Variants in FARP1 observed in about 807,000 individuals in gnomAD.
FARP1 encodes the protein FERM, ARHGEF and pleckstrin domain-containing protein 1.
A neutral mutation model predicts 128.8 loss-of-function variants in FARP1; 52 were observed. The ratio of observed to expected loss-of-function variants is 0.40; its 90% CI spans 0.32 to 0.51. The LOEUF (loss-of-function observed/expected upper bound fraction) is 0.51. FARP1 is among the 20% of genes least tolerant of loss of function. FARP1 has a pLI of 0.45. For synonymous variants in FARP1, 580 were observed against 551.8 expected (o/e 1.05, Z -0.72); for missense variants, 1,333 against 1,367.9 (o/e 0.97, Z 0.40).
rs3742136 is a variant in FARP1, at chr13:98,450,353, C to A, written c.*2036C>A. 6.6e-6 allele frequency: 1 copy of A among 152,068 alleles called. No individual in the cohort carries two copies. The highest frequency in any genetic ancestry group is 1.5e-5 in the Non-Finnish European group (1 of 68,008). 9.4% of individuals were successfully genotyped at this position (152,068 alleles called of 1,614,324 possible). The stretch of plus-strand genomic sequence containing the variant: ...GGGAAATATAAAAAATGTTTATAAA[C>A]TGACAGTGTTTTGCCAGAGGAAAGG... On this transcript the variant is annotated 3_prime_UTR_variant, in exon 27 of 27. Transcript: ENST00000319562.
At chr13:98,227,910 A>G (rs1039873575) in intron 2 of FARP1, among the ~76,000 whole-genome samples, 2 of 152,260 alleles carry the variant, frequency 1.3e-5, no homozygotes, top group African/African-American at 4.8e-5. Flanking sequence ...AATATGGGGT[A>G]CATAAATAGA....
At chr13:98,310,670 TGTGACTG>T (rs947693163) in intron 2 of FARP1, among the ~76,000 whole-genome samples, 39 of 152,224 alleles carry the variant, frequency 2.6e-4, no homozygotes, top group Admixed American at 5.2e-4. Context: ...GAAGGTGTTG[TGTGACTG>T]GTGGTGGTGG....
intron 2 of FARP1, among the ~76,000 whole-genome samples, chr13:98,319,233 G>C (rs1434340548): frequency 6.6e-6 from 1 of 151,666 alleles, no homozygotes; most frequent in East Asian, 1.9e-4. Context: ...CAAAATGTTG[G>C]GATTACAGGT....
intron 2 of FARP1, among the ~76,000 whole-genome samples, chr13:98,267,817 G>GTTT (rs36148182): frequency 0.46 from 69,549 of 151,858 alleles, 16,975 homozygotes; most frequent in African/African-American, 0.63. Context: ...TCTGACTGCT[G>GTTT]TCTACTCACT....
chr13:98,383,324 G>A (rs1889961850), intron 6 of FARP1, among the ~76,000 whole-genome samples: 1 of 152,194 alleles, frequency 6.6e-6, no homozygotes, highest in African/African-American at 2.4e-5. Flanking sequence ...ACTCTATTTA[G>A]GAAGGGAGAA....
At chr13:98,161,592 G>A (rs1876890716) in intron 1 of FARP1, among the ~76,000 whole-genome samples, 1 of 152,108 alleles carries the variant, frequency 6.6e-6, no homozygotes. Context: ...CTTTCTCTGA[G>A]GAATGTGGCT....
chr13:98,316,188 G>C (rs1048732415), intron 2 of FARP1, among the ~76,000 whole-genome samples: 24 of 152,246 alleles, frequency 1.6e-4, no homozygotes, highest in African/African-American at 5.8e-4. Context: ...TTTAACAGTA[G>C]AGTGAAGAGC....
At chr13:98,230,148 A>G (rs1594297878) in intron 2 of FARP1, among the ~76,000 whole-genome samples, 1 of 152,180 alleles carries the variant, frequency 6.6e-6, no homozygotes, top group African/African-American at 2.4e-5. Context: ...GCATTATTGA[A>G]AAAAATTTGT....
chr13:98,151,320 C>T (rs539692267), intron 1 of FARP1, among the ~76,000 whole-genome samples: 25 of 152,214 alleles, frequency 1.6e-4, no homozygotes, highest in Admixed American at 3.3e-4. Flanking sequence ...GCGCCATCTG[C>T]GGTTTTTAGG....
intron 5 of FARP1, among the ~76,000 whole-genome samples, chr13:98,371,567 T>G (rs2139988202): frequency 6.6e-6 from 1 of 152,200 alleles, no homozygotes; most frequent in African/African-American, 2.4e-5. Context: ...ACTTTTTTTT[T>G]TATCATCTCT....
chr13:98,379,460 G>A (rs191358409), intron 6 of FARP1, among the ~76,000 whole-genome samples: 43 of 151,534 alleles, frequency 2.8e-4, no homozygotes, highest in African/African-American at 1.0e-3. Flanking sequence ...TCTGTTCGTT[G>A]GTTGGTGACC....
chr13:98,310,993 G>A (rs969142935), intron 2 of FARP1, among the ~76,000 whole-genome samples: 6 of 152,322 alleles, frequency 3.9e-5, no homozygotes, highest in Admixed American at 1.3e-4. Context: ...GGCTCTATCT[G>A]TGGGAAGTTT....
chr13:98,263,560 G>T (rs1483985485), intron 2 of FARP1, among the ~76,000 whole-genome samples: 2 of 152,108 alleles, frequency 1.3e-5, no homozygotes, highest in Non-Finnish European at 2.9e-5. Flanking sequence ...CGAACATAAT[G>T]AAGAAAATAA....
At chr13:98,294,947 G>A (rs1289666044) in intron 2 of FARP1, among the ~76,000 whole-genome samples, 1 of 151,082 alleles carries the variant, frequency 6.6e-6, no homozygotes, top group Non-Finnish European at 1.5e-5. Flanking sequence ...ATCCCGAGAG[G>A]CAGAGGTTGC....
chr13:98,302,334 C>G (rs1885958715), intron 2 of FARP1, among the ~76,000 whole-genome samples: 1 of 152,192 alleles, frequency 6.6e-6, no homozygotes, highest in Non-Finnish European at 1.5e-5. Context: ...TTCTAGCTCA[C>G]ATTCATTCCT....
At chr13:98,394,779 A>T (rs2761369) in intron 12 of FARP1, among the ~76,000 whole-genome samples, 35,874 of 151,816 alleles carry the variant, frequency 0.24, 5,103 homozygotes, top group African/African-American at 0.4. Flanking sequence ...TACAAAAAAA[A>T]TTTTTTTAAT....
chr13:98,431,056 A>T lies in FARP1; in HGVS notation c.1919A>T (p.His640Leu). ...NIQGMKHLAAHLWKHSEALEA... is the reference protein window; with the variant it reads ...NIQGMKHLAALLWKHSEALEA... ...TTGCCTCCCAAGCACCTGGCGGCTC[A>T]CCTGTGGAAGCACAGCGAGGCCTTG... The change falls in exon 18 of 27, where the codon CAC becomes CTC. Residue 640 changes from histidine (H) to leucine (L), a missense_variant. Around this residue, in one of 2 missense-constraint regions of FARP1, gnomAD observed 1,009 missense variants for 969.8 expected, o/e 1.04. Transcript: ENST00000319562. 1 of 1,613,478 alleles carries T rather than the reference A, an allele frequency of 6.2e-7. No homozygotes were observed. The highest frequency in any genetic ancestry group is 8.5e-7 in the Non-Finnish European group (1 of 1,179,520).
At position 98,316,636 on chromosome 13, in the gene FARP1, G is replaced by C. The variant is rs571811308; in HGVS notation, c.172-27126G>C. ...CCCAAGTCATCTTCATCCTTGCGTT[G>C]TAACACAGCTAAAGTTTTTATTTGT... is the stretch of plus-strand genomic sequence containing the variant. On this transcript the variant is annotated intron_variant, in intron 2 of 26. Transcript: ENST00000319562. 3.3e-4 allele frequency among the ~76,000 whole-genome samples: 51 copies of C among 152,284 alleles called. 1 individual carries two copies. In the South Asian group the frequency reaches 5.2e-3, roughly 15 times the overall value.
intron 2 of FARP1, among the ~76,000 whole-genome samples, chr13:98,256,967 A>ATGTGGG (rs1883643393): frequency 5.2e-5 from 7 of 134,774 alleles, no homozygotes; most frequent in African/African-American, 1.9e-4. Context: ...ATATATATAT[A>ATGTGGG]TATATATATA....
Sources: allele counts gnomAD v4.1 joint callset (sites outside exome capture counted in the v4.1 genomes callset), GRCh38; gene constraint gnomAD v4.1.1; regional missense constraint gnomAD v4.1.1; transcripts MANE v1.5; gene names NCBI Gene and HGNC (gene_info 2026-07-23, HGNC 2026-07-21).